Variants in SUPT5H observed in about 807,000 individuals in gnomAD.
SUPT5H encodes transcription elongation factor SPT5.
A neutral mutation model predicts 142.5 loss-of-function variants in SUPT5H; 24 were observed. That is an observed-to-expected ratio of 0.17 (90% CI 0.12 to 0.24). SUPT5H has a LOEUF of 0.24. SUPT5H is among the 10% of genes least tolerant of loss of function. The pLI is 1.00. For missense variants in SUPT5H, 893 were observed against 1,471.8 expected (o/e 0.61, Z 6.43); for synonymous variants, 546 against 553.0 (o/e 0.99, Z 0.18).
intron 2 of SUPT5H, among the ~76,000 whole-genome samples, chr19:39,448,621 G>A (rs910428120): frequency 6.6e-6 from 1 of 152,130 alleles, no homozygotes; most frequent in Middle Eastern, 3.2e-3. Context: ...GCACTGTGAG[G>A]CCTGTCCCCA....
rs114710917 is a variant in SUPT5H, at chr19:39,458,930, G to A, written c.389+43G>A. 4.3e-3 allele frequency: 6,931 copies of A among 1,613,946 alleles called. 92 individuals carry two copies. The highest frequency in any genetic ancestry group is 0.039 in the African/African-American group (2,956 of 75,032). On this transcript the variant is annotated intron_variant, in intron 6 of 29. Coordinates refer to ENST00000432763, the MANE Select transcript of SUPT5H (RefSeq NM_001111020.3). This position sits in a 1 kb window ranked among gnomAD's most constrained non-coding sequence, Gnocchi z 4.2. Reference sequence around the variant, plus strand: ...ACGTGGTGGGATTGGCTCCTGTGGGGAGATTTGGGAGTAGGTCAGCCCACC... The same window carrying A: ...ACGTGGTGGGATTGGCTCCTGTGGGAAGATTTGGGAGTAGGTCAGCCCACC...
Position 39,454,573 on chromosome 19 carries a change from C to T in SUPT5H, c.241+1052C>T, listed in dbSNP as rs139163257. The stretch of plus-strand genomic sequence containing the variant: ...GTTAGGATGGTCTCGAACTCCTGAC[C>T]TTGTGATCCGCCCGCCCTGGCCTCC... On this transcript the variant is annotated intron_variant, in intron 3 of 29. Coordinates refer to ENST00000432763, the MANE Select transcript of SUPT5H (RefSeq NM_001111020.3). Among the ~76,000 whole-genome samples the T allele has an allele frequency of 2.6e-5, 4 of 152,022 alleles. No homozygotes were observed. In the East Asian group the frequency reaches 7.7e-4, roughly 29 times the overall value.
chr19:39,474,673 G>A lies in SUPT5H; in HGVS notation c.2979G>A (p.Leu993=). Residue 993 remains leucine (L), a synonymous_variant, in exon 28 of 30, where the codon CTG becomes CTA. Coordinates refer to ENST00000432763, the MANE Select transcript of SUPT5H (RefSeq NM_001111020.3). This position sits in a 1 kb window ranked among gnomAD's most constrained non-coding sequence, Gnocchi z 6.5. ...AGGTGAAGGTGCGGGACACCTACCT[G>A]GATACACAGGTGGTGGGACAGACAG... is the stretch of plus-strand genomic sequence containing the variant. ...DIQVKVRDTY[L]DTQVVGQTGV... 6.2e-7 allele frequency: 1 copy of A among 1,613,976 alleles called. No individual in the cohort carries two copies. Among genetic ancestry groups the A allele is most frequent in the South Asian group, 1.1e-5 (1 of 91,052 alleles).
chr19:39,471,381 G>T lies in SUPT5H; in HGVS notation c.1702G>T (p.Val568Leu), dbSNP rs545987507. Residue 568 changes from valine (V) to leucine (L), a missense_variant, in exon 19 of 30, where the codon GTG becomes TTG. By Grantham distance (32) the Val-to-Leu change is conservative. Coordinates refer to ENST00000432763, the MANE Select transcript of SUPT5H (RefSeq NM_001111020.3). ...FQVLNMYGKV[V>L]TVRHQAVTRK... ...GGTGCTGAACATGTACGGGAAGGTG[G>T]TGACTGTCAGACATCAGGCTGTGAC... 1.9e-6 allele frequency: 3 copies of T among 1,614,218 alleles called. No homozygotes were observed. The highest frequency in any genetic ancestry group is 4.5e-5 in the East Asian group (2 of 44,890).
At position 39,472,479 on chromosome 19, in the gene SUPT5H, A is replaced by T. The variant is rs1456795857; in HGVS notation, c.2021A>T (p.His674Leu). 6 of 1,613,838 alleles carry T rather than the reference A, an allele frequency of 3.7e-6. No individual in the cohort carries two copies. In the Admixed American group the frequency reaches 1.0e-4, roughly 27 times the overall value. The change falls in exon 21 of 30, where the codon CAC becomes CTC. Residue 674 changes from histidine (H) to leucine (L), a missense_variant. Physicochemically the swap from His to Leu is moderately conservative, Grantham distance 99. This residue lies in a region of SUPT5H where 428 missense variants were observed against 763.5 expected (regional missense o/e 0.56). Coordinates refer to ENST00000432763, the MANE Select transcript of SUPT5H (RefSeq NM_001111020.3). The surrounding 1 kb of genome is among the most constrained non-coding windows in gnomAD (Gnocchi z 4.2). ...AGTCCCCGGATCAGCAGCCCCATGC[A>T]CCCCAGTGCTGGAGGTGAGAGGGGT... ...PMSPRISSPMHPSAGGQRGGF... is the reference protein window; with the variant it reads ...PMSPRISSPMLPSAGGQRGGF...
At chr19:39,449,900 A>T (rs549554393) in intron 2 of SUPT5H, among the ~76,000 whole-genome samples, 1 of 150,410 alleles carries the variant, frequency 6.6e-6, no homozygotes. Flanking sequence ...TCGGCCTCCC[A>T]AAGTGCTGGG....
Position 39,470,104 on chromosome 19 carries a change from C to T in SUPT5H, c.1375-15C>T. The stretch of plus-strand genomic sequence containing the variant: ...TCCCTTCACCTGTTTGTTGTCCCCA[C>T]ACCCAATCCCCCAGGACATGTTGGA... On this transcript the variant is annotated splice_polypyrimidine_tract_variant and intron_variant, in intron 16 of 29. Coordinates refer to ENST00000432763, the MANE Select transcript of SUPT5H (RefSeq NM_001111020.3). The surrounding 1 kb of genome is among the most constrained non-coding windows in gnomAD (Gnocchi z 5.8). 1 of 1,611,084 alleles carries T rather than the reference C, an allele frequency of 6.2e-7. No homozygotes were observed. The highest frequency in any genetic ancestry group is 8.5e-7 in the Non-Finnish European group (1 of 1,178,088).
At position 39,469,266 on chromosome 19, in the gene SUPT5H, G is replaced by A; in HGVS notation, c.1242G>A (p.Lys414=). Residue 414 remains lysine (K), a synonymous_variant, in exon 16 of 30, where the codon AAG becomes AAA. Coordinates refer to ENST00000432763, the MANE Select transcript of SUPT5H (RefSeq NM_001111020.3). The surrounding 1 kb of genome is among the most constrained non-coding windows in gnomAD (Gnocchi z 5.1). The part of the protein sequence containing the change: ...DLEVVTESTG[K]EREHNFQPGD... ...GCCCTACGACTGCCCCTGCAGGGAA[G>A]GAGCGGGAGCACAACTTCCAACCTG... 1 of 1,614,206 alleles carries A rather than the reference G, an allele frequency of 6.2e-7. No individual in the cohort carries two copies. Among genetic ancestry groups the A allele is most frequent in the South Asian group, 1.1e-5 (1 of 91,084 alleles).
At position 39,473,180 on chromosome 19, in the gene SUPT5H, C is replaced by T; in HGVS notation, c.2259-23C>T. ...AGGCAGTGAGAGGGGTCTGCTCACC[C>T]CATTTGTTCTCTGCGTCCCCAGGGG... On this transcript the variant is annotated intron_variant, in intron 23 of 29. Coordinates refer to ENST00000432763, the MANE Select transcript of SUPT5H (RefSeq NM_001111020.3). This position sits in a 1 kb window ranked among gnomAD's most constrained non-coding sequence, Gnocchi z 5.8. 3 of 1,611,322 alleles carry T rather than the reference C, an allele frequency of 1.9e-6. No individual in the cohort carries two copies. Among genetic ancestry groups the T allele is most frequent in the Non-Finnish European group, 2.5e-6 (3 of 1,179,850 alleles).
intron 10 of SUPT5H, among the ~76,000 whole-genome samples, chr19:39,461,535 AT>A (rs1346664114): frequency 6.6e-6 from 1 of 151,912 alleles, no homozygotes; most frequent in Non-Finnish European, 1.5e-5. Flanking sequence ...AAAGAAAATA[AT>A]AATAGGCCGG....
In SUPT5H at chr19:39,466,006, G is replaced by T. The variant is rs993770430; in HGVS notation, c.877-474G>T. ...CGAGCATCATGTTGGTGCTCACAGGGTTTCCTATTTTTGAGCATTTTGGGT... is the reference window on the plus strand; with the variant it reads ...CGAGCATCATGTTGGTGCTCACAGGTTTTCCTATTTTTGAGCATTTTGGGT... On this transcript the variant is annotated intron_variant, in intron 11 of 29. Transcript: ENST00000432763. This position sits in a 1 kb window ranked among gnomAD's most constrained non-coding sequence, Gnocchi z 4.3. Among the ~76,000 whole-genome samples the T allele has an allele frequency of 6.6e-6, 1 of 152,184 alleles. No homozygotes were observed. The highest frequency in any genetic ancestry group is 1.5e-5 in the Non-Finnish European group (1 of 68,034).
rs2079126885 is a variant in SUPT5H at position 39,459,057 on chromosome 19, T to C, written c.442T>C (p.Ser148Pro). Residue 148 changes from serine to proline, a missense_variant, in exon 7 of 30, where the codon TCA becomes CCA. Physicochemically the swap from Ser to Pro is moderately conservative, Grantham distance 74. Around this residue, in one of 6 missense-constraint regions of SUPT5H, gnomAD observed 428 missense variants for 763.5 expected, o/e 0.56. Coordinates refer to ENST00000432763, the MANE Select transcript of SUPT5H (RefSeq NM_001111020.3). ...GEYYMKKYAK[S>P]SVGETVYGGS... The stretch of plus-strand genomic sequence containing the variant: ...GTATTACATGAAGAAATACGCCAAG[T>C]CATCTGTGGGAGAGACGTAAGGGCA... The C allele has an allele frequency of 1.2e-6, 2 of 1,613,352 alleles. No individual in the cohort carries two copies. The highest frequency in any genetic ancestry group is 1.7e-6 in the Non-Finnish European group (2 of 1,179,846).
chr19:39,459,400 TTC>T (rs1479117375), intron 8 of SUPT5H, 151 bp downstream of exon 8: 2 of 1,352,892 alleles, frequency 1.5e-6, no homozygotes, highest in Non-Finnish European at 2.1e-6. Context: ...AGGTGGCACT[TTC>T]TCTTTCCTCT....
intron 2 of SUPT5H, among the ~76,000 whole-genome samples, chr19:39,451,223 G>A (rs1280938008): frequency 8.4e-6 from 1 of 119,222 alleles, no homozygotes; most frequent in Admixed American, 1.1e-4. Flanking sequence ...GAGTCTTGCT[G>A]TGTCGCCTAG....
chr19:39,456,823 T>G (rs764511288), intron 3 of SUPT5H, among the ~76,000 whole-genome samples: 3 of 152,114 alleles, frequency 2.0e-5, no homozygotes, highest in Non-Finnish European at 2.9e-5. Flanking sequence ...CCTCCCAAAG[T>G]GTTGAGATTA....
rs745558038 is a variant in SUPT5H, at chr19:39,472,474, C to T, written c.2016C>T (p.Pro672=). ...FAPMSPRISS[P]MHPSAGGQRG... is the part of the protein sequence containing the mutation. ...CTATGAGTCCCCGGATCAGCAGCCCCATGCACCCCAGTGCTGGAGGTGAGA... is the reference window on the plus strand; with the variant it reads ...CTATGAGTCCCCGGATCAGCAGCCCTATGCACCCCAGTGCTGGAGGTGAGA... Residue 672 remains proline, a synonymous_variant, in exon 21 of 30, where the codon CCC becomes CCT. Transcript: ENST00000432763. The surrounding 1 kb of genome is among the most constrained non-coding windows in gnomAD (Gnocchi z 4.2). 2.0e-5 allele frequency: 32 copies of T among 1,613,938 alleles called. No individual in the cohort carries two copies. The highest frequency in any genetic ancestry group is 2.6e-5 in the Non-Finnish European group (31 of 1,179,988).
At position 39,470,947 on chromosome 19, in the gene SUPT5H, T is replaced by G. The variant is rs1359621592; in HGVS notation, c.1678-410T>G. On this transcript the variant is annotated intron_variant, in intron 18 of 29. Transcript: ENST00000432763. The surrounding 1 kb of genome is among the most constrained non-coding windows in gnomAD (Gnocchi z 5.8). Reference sequence around the variant, plus strand: ...CCTGTGCTGTCTGACCCTGGGCTAGTGACTCACCCTCTCTGAGCCTGAGTT... The same window carrying G: ...CCTGTGCTGTCTGACCCTGGGCTAGGGACTCACCCTCTCTGAGCCTGAGTT... Among the ~76,000 whole-genome samples the G allele has an allele frequency of 1.3e-5, 2 of 152,150 alleles. No individual in the cohort carries two copies. The highest frequency in any genetic ancestry group is 2.4e-5 in the African/African-American group (1 of 41,430).
At chr19:39,476,037 T>A in intron 28 of SUPT5H, 44 bp from the exon 29 acceptor site, 1 of 1,563,546 alleles carries the variant, frequency 6.4e-7, no homozygotes, top group East Asian at 2.2e-5. Flanking sequence ...CTCAGTCCCA[T>A]GTTGGGAGCA....
chr19:39,453,833 G>A (rs1056314263), intron 3 of SUPT5H, among the ~76,000 whole-genome samples: 2 of 152,162 alleles, frequency 1.3e-5, no homozygotes, highest in African/African-American at 4.8e-5. Context: ...CCAAAATGCT[G>A]GGATTACAGG....
Sources: allele counts gnomAD v4.1 joint callset (sites outside exome capture counted in the v4.1 genomes callset), GRCh38; gene constraint gnomAD v4.1.1; regional missense constraint gnomAD v4.1.1; non-coding constraint Gnocchi (gnomAD v3.1); transcripts MANE v1.5; gene names NCBI Gene and HGNC (gene_info 2026-07-23, HGNC 2026-07-21).